Variants in MCM2 observed in about 807,000 individuals in gnomAD.
MCM2 encodes the protein DNA replication licensing factor MCM2.
Under a neutral mutation model 86.4 loss-of-function variants are expected in MCM2, and 49 were observed. The ratio of observed to expected loss-of-function variants is 0.57; its 90% confidence interval spans 0.45 to 0.72. The LOEUF (loss-of-function observed/expected upper bound fraction) is 0.72, where lower values mean the gene tolerates loss of function less well. Among genes scored for constraint, MCM2 ranks in the 30% least tolerant of loss-of-function variants. The pLI is 0.00. For missense variants in MCM2, 1,038 were observed against 1,259.9 expected, an observed-to-expected ratio of 0.82 and a Z score of 2.67; for synonymous variants, 475 against 484.6, an observed-to-expected ratio of 0.98 and a Z score of 0.26.
rs759092880 is a variant in MCM2, at chr3:127,604,677, A to G, written c.306A>G (p.Val102=). 1 of 1,612,880 alleles carries G rather than the reference A, an allele frequency of 6.2e-7. No individual in the cohort carries two copies. Among genetic ancestry groups the G allele is most frequent in the South Asian group, 1.1e-5 (1 of 91,052 alleles). ...AEGLALDDED[V]EELTASQREA... ...GACTGGCTCTGGATGATGAGGACGT[A>G]GAGGAGCTGACGGCCAGTCAGAGGG... is the stretch of plus-strand genomic sequence containing the variant. The change falls in exon 3 of 16, where the codon GTA becomes GTG. Residue 102 remains valine (V), a synonymous_variant. Transcript: ENST00000265056.
rs1454818158 is a variant in MCM2 at position 127,621,970 on chromosome 3, G to A, written c.*197G>A. 5.6e-6 allele frequency: 3 copies of A among 539,084 alleles called. No individual in the cohort carries two copies. The highest frequency in any genetic ancestry group is 6.6e-6 in the Non-Finnish European group (2 of 301,902). The allele number at this position is 539,084 out of a possible 1,614,324, so 33.4% of individuals were successfully genotyped here. On this transcript the variant is annotated 3_prime_UTR_variant, in exon 16 of 16. Coordinates refer to ENST00000265056, the MANE Select transcript of MCM2 (RefSeq NM_004526.4). ...GCTTTGTGCTTCTCACCTTTGGGTG[G>A]GATGCCTTGCCAGTGTGTCTTACTT...
chr3:127,605,736 A>G (rs745833101), intron 4 of MCM2, among the ~76,000 whole-genome samples: 3 of 152,076 alleles, frequency 2.0e-5, no homozygotes, highest in Non-Finnish European at 4.4e-5. Flanking sequence ...CACCGTCCCC[A>G]GCCAGGAATT....
chr3:127,603,250 C>T lies in MCM2; in HGVS notation c.237-1358C>T, dbSNP rs180672779. 9.9e-5 allele frequency among the ~76,000 whole-genome samples: 15 copies of T among 152,238 alleles called. No homozygotes were observed. The East Asian group carries it at 2.7e-3, about 27-fold the overall frequency. ...TCCTGACCTCGTGATCCGCCCGCCT[C>T]AGCCTCCCAAAGTGCTGGGATTACA... On this transcript the variant is annotated intron_variant, in intron 2 of 15. Coordinates refer to ENST00000265056, the MANE Select transcript of MCM2 (RefSeq NM_004526.4).
intron 1 of MCM2, 124 bp downstream of exon 1, chr3:127,598,596 C>T: frequency 7.6e-7 from 1 of 1,312,846 alleles, no homozygotes; most frequent in South Asian, 1.5e-5. Flanking sequence ...GGCTCTGGGG[C>T]GCAGCTACTT....
At position 127,617,516 on chromosome 3, in the gene MCM2, G is replaced by A; in HGVS notation, c.1900+111G>A. 7.4e-7 allele frequency: 1 copy of A among 1,347,178 alleles called. No homozygotes were observed. The highest frequency in any genetic ancestry group is 9.9e-7 in the Non-Finnish European group (1 of 1,007,184). 83.5% of individuals were successfully genotyped at this position (1,347,178 alleles called of 1,614,324 possible). A position where few individuals can be genotyped will look rare whatever the true frequency, so the allele number is the denominator to read the frequency against. Reference sequence around the variant, plus strand: ...GGAGCCGATCTGAGGAAGTCATTGTGCAGCAGAGGGTTCCCCTCTTCTGCA... The same window carrying A: ...GGAGCCGATCTGAGGAAGTCATTGTACAGCAGAGGGTTCCCCTCTTCTGCA... On this transcript the variant is annotated intron_variant, in intron 11 of 15. Transcript: ENST00000265056. This position sits in a 1 kb window ranked among gnomAD's most constrained non-coding sequence, Gnocchi z 4.1.
At chr3:127,602,162 CTT>C (rs201744525) in intron 2 of MCM2, among the ~76,000 whole-genome samples, 26 of 127,900 alleles carry the variant, frequency 2.0e-4, no homozygotes, top group East Asian at 4.4e-4. Flanking sequence ...TCCAGTTTAA[CTT>C]TTTTTTTTTT....
intron 4 of MCM2, among the ~76,000 whole-genome samples, 195 bp from the exon 5 acceptor site, chr3:127,605,923 C>T (rs1171803300): frequency 6.6e-6 from 1 of 152,172 alleles, no homozygotes; most frequent in Non-Finnish European, 1.5e-5. Flanking sequence ...GTGACATGCC[C>T]ATTTTACGGA....
chr3:127,612,234 C>T (rs2074404343), intron 8 of MCM2, among the ~76,000 whole-genome samples: 1 of 152,230 alleles, frequency 6.6e-6, no homozygotes. Context: ...CCCTGCCTGC[C>T]TTCCGTGGGC....
intron 9 of MCM2, among the ~76,000 whole-genome samples, chr3:127,616,456 T>TGCCCAGTGCTGTGCCTGTGCGC (rs2074432720): frequency 6.6e-6 from 1 of 152,218 alleles, no homozygotes; most frequent in Non-Finnish European, 1.5e-5. Context: ...CCCCTGTGTG[T>TGCCCAGTGCTGTGCCTGTGCGC]GCCCAGTGCT....
Position 127,606,262 on chromosome 3 carries a change from A to G in MCM2, c.818A>G (p.Lys273Arg), listed in dbSNP as rs2074347870. 1.9e-6 allele frequency: 3 copies of G among 1,614,238 alleles called. No homozygotes were observed. In the East Asian group the frequency reaches 6.7e-5, roughly 36 times the overall value. The change falls in exon 5 of 16, where the codon AAG becomes AGG. Residue 273 changes from lysine to arginine, a missense_variant. Lys to Arg is a conservative substitution (Grantham distance 26). Around this residue, in one of 4 missense-constraint regions of MCM2, gnomAD observed 399 missense variants for 507.2 expected, o/e 0.79. Coordinates refer to ENST00000265056, the MANE Select transcript of MCM2 (RefSeq NM_004526.4). This position sits in a 1 kb window ranked among gnomAD's most constrained non-coding sequence, Gnocchi z 4.2. Reference sequence around the variant, plus strand: ...GAGGTGGTACTGGCCATGTACCCCAAGTACGACCGCATCACCAACCACATC... The same window carrying G: ...GAGGTGGTACTGGCCATGTACCCCAGGTACGACCGCATCACCAACCACATC... ...ALEVVLAMYP[K>R]YDRITNHIHV...
intron 8 of MCM2, among the ~76,000 whole-genome samples, chr3:127,610,343 G>A (rs973746473): frequency 1.3e-5 from 2 of 152,196 alleles, no homozygotes; most frequent in African/African-American, 4.8e-5. Flanking sequence ...TCCAGGGCCT[G>A]GCTGCAGGAG....
chr3:127,608,948 T>G lies in MCM2; in HGVS notation c.1353T>G (p.Val451=), dbSNP rs1441761437. Residue 451 remains valine, a synonymous_variant, in exon 8 of 16, where the codon GTT becomes GTG. Transcript: ENST00000265056. ...ANHVAKKDNK[V]AVGELTDEDV... ...ACGTGGCCAAGAAGGACAACAAGGT[T>G]GCTGTAGGGGAACTGACCGATGAAG... is the stretch of plus-strand genomic sequence containing the variant. 6.2e-7 allele frequency: 1 copy of G among 1,614,172 alleles called. No individual in the cohort carries two copies. Among genetic ancestry groups the G allele is most frequent in the East Asian group, 2.2e-5 (1 of 44,874 alleles).
In MCM2 at chr3:127,620,866, C is replaced by G; in HGVS notation, c.2434C>G (p.Arg812Gly). Residue 812 changes from arginine to glycine, a missense_variant, in exon 14 of 16, where the codon CGC (arginine) becomes GGC (glycine). Transcript: ENST00000265056. ...FIDTQKFSVM[R>G]SMRKTFARYL... Reference sequence around the variant, plus strand: ...AGACACACAGAAGTTCAGCGTCATGCGCAGCATGCGCAAGGTGGGTGTGCT... The same window carrying G: ...AGACACACAGAAGTTCAGCGTCATGGGCAGCATGCGCAAGGTGGGTGTGCT... 1 of 1,606,712 alleles carries G rather than the reference C, an allele frequency of 6.2e-7. No individual in the cohort carries two copies. Among genetic ancestry groups the G allele is most frequent in the Non-Finnish European group, 8.5e-7 (1 of 1,175,082 alleles).
At position 127,618,996 on chromosome 3, in the gene MCM2, A is replaced by G. The variant is rs1322117541; in HGVS notation, c.2014-31A>G. 10 of 1,548,758 alleles carry G rather than the reference A, an allele frequency of 6.5e-6. No homozygotes were observed. The highest frequency in any genetic ancestry group is 3.7e-5 in the South Asian group (3 of 81,384). On this transcript the variant is annotated intron_variant, in intron 12 of 15. Coordinates refer to ENST00000265056, the MANE Select transcript of MCM2 (RefSeq NM_004526.4). The surrounding 1 kb of genome is among the most constrained non-coding windows in gnomAD (Gnocchi z 4.0). Reference sequence around the variant, plus strand: ...CTCCCCAAAGCCACGCACACCCACAATCAGACCCACCCTCTCATGGCTTAT... The same window carrying G: ...CTCCCCAAAGCCACGCACACCCACAGTCAGACCCACCCTCTCATGGCTTAT...
chr3:127,611,757 G>A (rs1382032830), intron 8 of MCM2, among the ~76,000 whole-genome samples: 3 of 139,044 alleles, frequency 2.2e-5, no homozygotes, highest in African/African-American at 8.3e-5. Flanking sequence ...GGAGTGCAGT[G>A]GCGGGATCTC....
intron 2 of MCM2, among the ~76,000 whole-genome samples, chr3:127,601,510 G>A (rs527569505): frequency 1.4e-3 from 211 of 152,192 alleles, no homozygotes; most frequent in Admixed American, 2.9e-3. Context: ...ACAGACATTT[G>A]CCACCACACC....
rs1230396016 is a variant in MCM2, at chr3:127,616,885, C to T, written c.1540C>T (p.Arg514Cys). Residue 514 changes from arginine (R) to cysteine (C), a missense_variant, in exon 10 of 16, where the codon CGT becomes TGT. Arg to Cys is a radical substitution (Grantham distance 180). Around this residue, in one of 4 missense-constraint regions of MCM2, gnomAD observed 399 missense variants for 507.2 expected, o/e 0.79. Transcript: ENST00000265056. Reference sequence around the variant, plus strand: ...CCCTCCAGGTGGCAAGCACAAGGTACGTGGTGATATCAACGTGCTCTTGTG... The same window carrying T: ...CCCTCCAGGTGGCAAGCACAAGGTATGTGGTGATATCAACGTGCTCTTGTG... ...PKNPGGKHKV[R>C]GDINVLLCGD... The T allele has an allele frequency of 1.2e-6, 2 of 1,613,888 alleles. No individual in the cohort carries two copies. Among genetic ancestry groups the T allele is most frequent in the Non-Finnish European group, 1.7e-6 (2 of 1,179,996 alleles).
rs777524850 is a variant in MCM2 at position 127,621,621 on chromosome 3, T to C, written c.2605-42T>C. ...CTGGGGCGCTCTGGAAACAGCCTGTTCTCACACCACTGATGGCTCACTGGA... is the reference window on the plus strand; with the variant it reads ...CTGGGGCGCTCTGGAAACAGCCTGTCCTCACACCACTGATGGCTCACTGGA... On this transcript the variant is annotated intron_variant, in intron 15 of 15. Coordinates refer to ENST00000265056, the MANE Select transcript of MCM2 (RefSeq NM_004526.4). 2.2e-6 allele frequency: 3 copies of C among 1,351,238 alleles called. No individual in the cohort carries two copies. In the Admixed American group the frequency reaches 5.1e-5, roughly 23 times the overall value. 83.7% of individuals were successfully genotyped at this position (1,351,238 alleles called of 1,614,324 possible). A position where few individuals can be genotyped will look rare whatever the true frequency, so the allele number is the denominator to read the frequency against.
Position 127,606,698 on chromosome 3 carries a change from A to G in MCM2, c.982A>G (p.Asn328Asp), listed in dbSNP as rs770973528. The G allele has an allele frequency of 3.7e-6, 6 of 1,614,104 alleles. No individual in the cohort carries two copies. In the East Asian group the frequency reaches 1.1e-4, roughly 30 times the overall value. The change falls in exon 6 of 16, where the codon AAC (asparagine) becomes GAC (aspartate). Residue 328 changes from asparagine to aspartate, a missense_variant. Physicochemically the swap from Asn to Asp is conservative, Grantham distance 23. Transcript: ENST00000265056. The surrounding 1 kb of genome is among the most constrained non-coding windows in gnomAD (Gnocchi z 4.2). ...GCCCCAGCTCAGCATGGTCAAGTAC[A>G]ACTGCAACAAGTGCAATTTCGTCCT... The part of the protein sequence containing the change: ...VLPQLSMVKY[N>D]CNKCNFVLGP...
Sources: allele counts gnomAD v4.1 joint callset (sites outside exome capture counted in the v4.1 genomes callset), GRCh38; gene constraint gnomAD v4.1.1; regional missense constraint gnomAD v4.1.1; non-coding constraint Gnocchi (gnomAD v3.1); transcripts MANE v1.5; gene names NCBI Gene and HGNC (gene_info 2026-07-23, HGNC 2026-07-21).